The following NGEF variants were observed in gnomAD, a reference collection of about 807,000 sequenced individuals.
NGEF encodes neuronal guanine nucleotide exchange factor, also known as ephexin-1.
A neutral mutation model predicts 80.9 loss-of-function variants in NGEF; 31 were observed. The observed-to-expected ratio is 0.38, with a 90% confidence interval of 0.29 to 0.52. The LOEUF (loss-of-function observed/expected upper bound fraction) is 0.52. NGEF is among the 20% of genes least tolerant of loss of function. The pLI is 0.84. For missense variants in NGEF, 709 were observed against 926.2 expected (o/e 0.77, Z 3.04); for synonymous variants, 371 against 370.2 (o/e 1.00, Z -0.03).
Position 232,891,297 on chromosome 2 carries a change from G to A in NGEF, c.1272+61C>T, listed in dbSNP as rs1024364463. 1.4e-5 allele frequency: 23 copies of A among 1,598,412 alleles called. No individual in the cohort carries two copies. In the African/African-American group the frequency reaches 2.1e-4, roughly 15 times the overall value. ...ACCTCCTAGAAAGCTGACAGGGCCCGGGAATGACCACAGCAAAGCCTGGGA... is the reference window on the plus strand; with the variant it reads ...ACCTCCTAGAAAGCTGACAGGGCCCAGGAATGACCACAGCAAAGCCTGGGA... On this transcript the variant is annotated intron_variant, in intron 8 of 14. Coordinates refer to ENST00000264051, the MANE Select transcript of NGEF (RefSeq NM_019850.3).
At chr2:232,986,217 G>A (rs1259745412) in intron 1 of NGEF, among the ~76,000 whole-genome samples, 2 of 152,228 alleles carry the variant, frequency 1.3e-5, no homozygotes, top group African/African-American at 4.8e-5. Context: ...GCAAGTGTTG[G>A]TGAACGAAGA....
rs1693124170 is a variant in NGEF at position 232,928,084 on chromosome 2, C to A, written c.384-898G>T. 8.1e-6 allele frequency: 9 copies of A among 1,111,488 alleles called. 1 individual carries two copies. The South Asian group carries it at 3.9e-4, about 48-fold the overall frequency. 68.9% of individuals were successfully genotyped at this position (1,111,488 alleles called of 1,614,324 possible). On this transcript the variant is annotated intron_variant, in intron 3 of 14. Coordinates refer to ENST00000264051, the MANE Select transcript of NGEF (RefSeq NM_019850.3). ...TGGGTCGGGGGCGACTAGCGGGCTG[C>A]GGAGCGGGGTCGCAGCGCGCGCGGC...
intron 3 of NGEF, among the ~76,000 whole-genome samples, chr2:232,959,655 C>T (rs1273179086): frequency 1.3e-5 from 2 of 151,712 alleles, no homozygotes; most frequent in African/African-American, 4.8e-5. Flanking sequence ...TCTTGGCTCA[C>T]CACAACCTCT....
At chr2:232,926,277 A>G (rs1039621643) in intron 4 of NGEF, among the ~76,000 whole-genome samples, 5 of 152,258 alleles carry the variant, frequency 3.3e-5, no homozygotes, top group Admixed American at 2.6e-4. Flanking sequence ...AAGGGAACCT[A>G]TATCATTCAT....
intron 3 of NGEF, among the ~76,000 whole-genome samples, chr2:232,951,481 C>T (rs1008786774): frequency 6.6e-6 from 1 of 152,270 alleles, no homozygotes; most frequent in East Asian, 1.9e-4. Context: ...AGTAATTAAA[C>T]TTGGCAAAAA....
intron 9 of NGEF, among the ~76,000 whole-genome samples, chr2:232,886,960 G>A (rs1480008311): frequency 6.6e-6 from 1 of 152,256 alleles, no homozygotes; most frequent in Non-Finnish European, 1.5e-5. Flanking sequence ...GGCACAGCGT[G>A]TAACTGCCAG....
chr2:232,904,726 T>C (rs1692449092), intron 5 of NGEF, among the ~76,000 whole-genome samples: 1 of 152,144 alleles, frequency 6.6e-6, no homozygotes, highest in Admixed American at 6.5e-5. Context: ...GGAGGATTGC[T>C]TGAGCCCAGG....
chr2:232,901,327 T>G, intron 5 of NGEF: 1 of 976,682 alleles, frequency 1.0e-6, no homozygotes, highest in Non-Finnish European at 1.2e-6. Flanking sequence ...TCAGCAAAGC[T>G]CGAGGCTGCG....
chr2:232,972,226 G>C (rs1020497431), intron 2 of NGEF, among the ~76,000 whole-genome samples: 4 of 152,102 alleles, frequency 2.6e-5, no homozygotes, highest in Non-Finnish European at 5.9e-5. Context: ...CATGCGAATT[G>C]AGAGGGGCTG....
chr2:232,920,062 C>T (rs1477918298), intron 5 of NGEF, among the ~76,000 whole-genome samples: 9 of 152,232 alleles, frequency 5.9e-5, no homozygotes, highest in East Asian at 5.8e-4. Context: ...ATGCTTCAGA[C>T]GCTCAATGTT....
rs116882366 is a variant in NGEF, at chr2:233,000,487, C to T, written c.-75+12581G>A. Among the ~76,000 whole-genome samples, 10 of 152,212 alleles carry T rather than the reference C, an allele frequency of 6.6e-5. No homozygotes were observed. In the East Asian group the frequency reaches 1.9e-3, roughly 30 times the overall value. ...CTAAATGCCGCCAGGCGAGGTGGCTCACGCCTGTAATGCCAATCCCAGCAC... is the reference window on the plus strand; with the variant it reads ...CTAAATGCCGCCAGGCGAGGTGGCTTACGCCTGTAATGCCAATCCCAGCAC... On this transcript the variant is annotated intron_variant, in intron 1 of 14. Coordinates refer to ENST00000264051, the MANE Select transcript of NGEF (RefSeq NM_019850.3).
intron 1 of NGEF, among the ~76,000 whole-genome samples, chr2:233,006,309 C>A (rs1020697782): frequency 1.3e-5 from 2 of 152,126 alleles, no homozygotes; most frequent in Non-Finnish European, 2.9e-5. Flanking sequence ...GGGAAAAATG[C>A]CTTCACTTCT....
chr2:232,956,387 T>C (rs1456096392), intron 3 of NGEF, among the ~76,000 whole-genome samples: 1 of 149,006 alleles, frequency 6.7e-6, no homozygotes, highest in Non-Finnish European at 1.5e-5. Context: ...AAGATTTGGC[T>C]GCAATATAAG....
chr2:232,970,270 G>A lies in NGEF; in HGVS notation c.327C>T (p.Ser109=), dbSNP rs1190190861. 1 of 1,606,284 alleles carries A rather than the reference G, an allele frequency of 6.2e-7. No individual in the cohort carries two copies. Among genetic ancestry groups the A allele is most frequent in the Non-Finnish European group, 8.5e-7 (1 of 1,177,606 alleles). The change falls in exon 3 of 15, where the codon AGC becomes AGT. Residue 109 remains serine (S), a synonymous_variant. Transcript: ENST00000264051. Reference sequence around the variant, plus strand: ...TTGCTGTTCTGCAAGGAGGCATTCTGCTCCAGGGGATATTCAAGGTCAGGG... The same window carrying A: ...TTGCTGTTCTGCAAGGAGGCATTCTACTCCAGGGGATATTCAAGGTCAGGG... The part of the protein sequence containing the change: ...NEPLTLNIPW[S]RMPPCRTAMQ...
chr2:232,945,161 C>T lies in NGEF; in HGVS notation c.384-17975G>A, dbSNP rs78386709. On this transcript the variant is annotated intron_variant, in intron 3 of 14. Transcript: ENST00000264051. ...TTGAAAATAAACCAAAACAAATGAA[C>T]CTAAGTGATTATAACATTGATAACA... Among the ~76,000 whole-genome samples the T allele has an allele frequency of 1.4e-3, 216 of 151,820 alleles. 4 individuals are homozygous for T. In the East Asian group the frequency reaches 0.017, roughly 12 times the overall value.
At chr2:232,971,902 TG>T (rs1694193356) in intron 2 of NGEF, among the ~76,000 whole-genome samples, 1 of 152,118 alleles carries the variant, frequency 6.6e-6, no homozygotes, top group African/African-American at 2.4e-5. Context: ...CTTGCAACCC[TG>T]AAAGACTTCC....
At chr2:232,959,526 C>T (rs778495596) in intron 3 of NGEF, among the ~76,000 whole-genome samples, 5 of 151,758 alleles carry the variant, frequency 3.3e-5, no homozygotes, top group African/African-American at 4.8e-5. Context: ...CTTGAAGACT[C>T]GCCATGCTGT....
chr2:232,889,118 G>A (rs949503876), intron 8 of NGEF, among the ~76,000 whole-genome samples: 1 of 152,110 alleles, frequency 6.6e-6, no homozygotes, highest in Non-Finnish European at 1.5e-5. Context: ...AGAGACCTTC[G>A]AGACCCACAG....
In NGEF at chr2:232,972,440, A is replaced by G. The variant is rs190787903; in HGVS notation, c.269-2112T>C. Among the ~76,000 whole-genome samples, 275 of 152,316 alleles carry G rather than the reference A, an allele frequency of 1.8e-3. 2 individuals are homozygous for G. Among genetic ancestry groups the G allele is most frequent in the African/African-American group, 6.4e-3 (266 of 41,566 alleles). On this transcript the variant is annotated intron_variant, in intron 2 of 14. Coordinates refer to ENST00000264051, the MANE Select transcript of NGEF (RefSeq NM_019850.3). The stretch of plus-strand genomic sequence containing the variant: ...AAATGTGGCCACTGGAAAATTTAAA[A>G]TGATGTATGTGGCTTGCAGCATATT...
Sources: allele counts gnomAD v4.1 joint callset (sites outside exome capture counted in the v4.1 genomes callset), GRCh38; gene constraint gnomAD v4.1.1; transcripts MANE v1.5; gene names NCBI Gene and HGNC (gene_info 2026-07-23, HGNC 2026-07-21).